LUZP2: variants seen among roughly 807,000 people sequenced by gnomAD.
LUZP2 encodes leucine zipper protein 2.
LUZP2 carries 52 observed loss-of-function variants against 51.6 expected under a neutral mutation model. That is an observed-to-expected ratio of 1.01 (90% confidence interval 0.81 to 1.27). LUZP2 has a LOEUF of 1.27. LUZP2 is among the 50% of genes most tolerant of loss of function. The probability of loss-of-function intolerance (pLI) is 0.00; values close to 1 mark genes in which losing one functional copy is unlikely to be tolerated. For missense variants in LUZP2, 436 were observed against 395.4 expected, an observed-to-expected ratio of 1.10 and a Z score of -0.87; for synonymous variants, 154 against 137.3, an observed-to-expected ratio of 1.12 and a Z score of -0.85.
intron 3 of LUZP2, among the ~76,000 whole-genome samples, chr11:24,735,594 C>T (rs1165486940): frequency 6.6e-6 from 1 of 151,778 alleles, no homozygotes; most frequent in African/African-American, 2.4e-5. Flanking sequence ...AAAATATAAG[C>T]TGATAGTCAC....
At position 24,497,216 on chromosome 11, in the gene LUZP2, G is replaced by A. The variant is rs1849852403; in HGVS notation, c.-28G>A. 6.6e-7 allele frequency: 1 copy of A among 1,511,878 alleles called. No homozygotes were observed. Among genetic ancestry groups the A allele is most frequent in the Non-Finnish European group, 8.9e-7 (1 of 1,121,796 alleles). 93.7% of individuals were successfully genotyped at this position (1,511,878 alleles called of 1,614,324 possible). On this transcript the variant is annotated 5_prime_UTR_variant, in exon 1 of 12. Transcript: ENST00000336930. ...CGAAGAGAGAGAGAGAAGGCAGCGA[G>A]GGAAGGAGGACCCCGGCAGGCAGCA...
chr11:24,896,296 G>A (rs946892031), intron 5 of LUZP2, among the ~76,000 whole-genome samples: 18 of 152,126 alleles, frequency 1.2e-4, no homozygotes, highest in African/African-American at 3.4e-4. Flanking sequence ...AGGGAGAGGC[G>A]CCGCCAGAAC....
chr11:24,951,554 T>C (rs1394400926), intron 7 of LUZP2, among the ~76,000 whole-genome samples: 1 of 151,638 alleles, frequency 6.6e-6, no homozygotes, highest in Non-Finnish European at 1.5e-5. Flanking sequence ...TATGTGATTG[T>C]TCCACGTTTG....
chr11:24,679,743 A>G (rs1372550156), intron 1 of LUZP2, among the ~76,000 whole-genome samples: 2 of 152,200 alleles, frequency 1.3e-5, no homozygotes, highest in African/African-American at 4.8e-5. Flanking sequence ...TTTCTCTCCA[A>G]TGTCTTCCTG....
chr11:24,647,235 T>A (rs1473505887), intron 1 of LUZP2, among the ~76,000 whole-genome samples: 5 of 152,028 alleles, frequency 3.3e-5, no homozygotes, highest in African/African-American at 1.2e-4. Flanking sequence ...ATTTAGCACC[T>A]ACTTAATTCA....
Position 25,030,887 on chromosome 11 carries a change from T to TA in LUZP2, c.766-19150dup, listed in dbSNP as rs1390291842. On this transcript the variant is annotated intron_variant, in intron 9 of 11. Coordinates refer to ENST00000336930, the MANE Select transcript of LUZP2 (RefSeq NM_001009909.4). ...GTTTGTGTATATGTGTGTTACTATA[T>TA]ATATTATATATATATATAATATATA... is the stretch of plus-strand genomic sequence containing the variant. 0.017 allele frequency among the ~76,000 whole-genome samples: 81 copies of TA among 4,902 alleles called. 5 individuals are homozygous for TA. The East Asian group carries it at 0.51, about 31-fold the overall frequency. 3.2% of individuals were successfully genotyped at this position (4,902 alleles called of 152,430 possible). A position where few individuals can be genotyped will look rare whatever the true frequency, so the allele number is the denominator to read the frequency against.
chr11:24,751,154 C>T (rs150626674), intron 4 of LUZP2, among the ~76,000 whole-genome samples: 11 of 152,192 alleles, frequency 7.2e-5, no homozygotes, highest in African/African-American at 2.6e-4. Flanking sequence ...GATGCCATTG[C>T]TAACTCATTC....
intron 5 of LUZP2, among the ~76,000 whole-genome samples, chr11:24,779,153 C>T (rs1223747909): frequency 1.3e-5 from 2 of 152,080 alleles, no homozygotes; most frequent in Non-Finnish European, 2.9e-5. Context: ...TTTACATTAA[C>T]TATGTTAACT....
At chr11:24,561,827 T>TG (rs1852050474) in intron 1 of LUZP2, among the ~76,000 whole-genome samples, 2 of 150,382 alleles carry the variant, frequency 1.3e-5, no homozygotes, top group Admixed American at 1.3e-4. Flanking sequence ...ATAATAATAA[T>TG]AATGATAATA....
Position 24,533,242 on chromosome 11 carries a change from T to C in LUZP2, c.62+35937T>C, listed in dbSNP as rs533935107. On this transcript the variant is annotated intron_variant, in intron 1 of 11. Transcript: ENST00000336930. The stretch of plus-strand genomic sequence containing the variant: ...GTTGTTAATTGTCTTTTAAGAAGCT[T>C]GATTCAATTCTGTGTGTGGGAAGTT... Among the ~76,000 whole-genome samples the C allele has an allele frequency of 1.1e-4, 16 of 151,384 alleles. No individual in the cohort carries two copies. The South Asian group carries it at 3.3e-3, about 31-fold the overall frequency.
chr11:24,525,355 C>A (rs1285677534), intron 1 of LUZP2, among the ~76,000 whole-genome samples: 7 of 151,632 alleles, frequency 4.6e-5, no homozygotes, highest in Non-Finnish European at 8.9e-5. Flanking sequence ...AGGTATGTAG[C>A]AGGCTTACTT....
chr11:24,623,583 C>A (rs1028047989), intron 1 of LUZP2, among the ~76,000 whole-genome samples: 11 of 152,104 alleles, frequency 7.2e-5, no homozygotes, highest in African/African-American at 2.7e-4. Flanking sequence ...CAGTGGCTCA[C>A]GTTTGTAATC....
At chr11:24,565,436 A>G (rs889927483) in intron 1 of LUZP2, among the ~76,000 whole-genome samples, 2 of 152,178 alleles carry the variant, frequency 1.3e-5, no homozygotes, top group Non-Finnish European at 2.9e-5. Flanking sequence ...TTTGCCTGTC[A>G]GGGACAAAGC....
In LUZP2 at chr11:24,583,903, G is replaced by A. The variant is rs985859783; in HGVS notation, c.62+86598G>A. On this transcript the variant is annotated intron_variant, in intron 1 of 11. Coordinates refer to ENST00000336930, the MANE Select transcript of LUZP2 (RefSeq NM_001009909.4). The stretch of plus-strand genomic sequence containing the variant: ...TATTTTTTTTTTTTTTGGTAGAGAC[G>A]GGGTTTCACCGTGTTAGCGAGGATG... 2.0e-5 allele frequency among the ~76,000 whole-genome samples: 3 copies of A among 151,088 alleles called. No individual in the cohort carries two copies. In the South Asian group the frequency reaches 6.3e-4, roughly 32 times the overall value.
At chr11:24,504,055 C>T (rs546787864) in intron 1 of LUZP2, among the ~76,000 whole-genome samples, 74 of 152,238 alleles carry the variant, frequency 4.9e-4, no homozygotes, top group African/African-American at 1.6e-3. Flanking sequence ...AATGAGTTCT[C>T]ATCATTGCAC....
intron 1 of LUZP2, among the ~76,000 whole-genome samples, chr11:24,669,951 T>G (rs558207121): frequency 6.6e-6 from 1 of 152,168 alleles, no homozygotes; most frequent in South Asian, 2.1e-4. Flanking sequence ...ACTCTAGGCA[T>G]CTAGAGATGA....
At chr11:24,738,155 A>C (rs1859011708) in intron 3 of LUZP2, 66 bp from the exon 4 acceptor site, 3 of 1,138,678 alleles carry the variant, frequency 2.6e-6, no homozygotes, top group Admixed American at 4.2e-5. Context: ...TTCCTTTTAT[A>C]ATGTTCATAG....
At chr11:24,774,998 A>C (rs76457678) in intron 5 of LUZP2, among the ~76,000 whole-genome samples, 12,070 of 151,184 alleles carry the variant, frequency 0.08, 1,048 homozygotes, top group African/African-American at 0.22. Context: ...ATATTACATA[A>C]CAGGTGACAT....
intron 5 of LUZP2, chr11:24,786,019 G>T: frequency 1.0e-6 from 1 of 985,178 alleles, no homozygotes; most frequent in Non-Finnish European, 1.2e-6. Flanking sequence ...CCCAGAGTTG[G>T]GGCACCGAGT....
Sources: allele counts gnomAD v4.1 joint callset (sites outside exome capture counted in the v4.1 genomes callset), GRCh38; gene constraint gnomAD v4.1.1; transcripts MANE v1.5; gene names NCBI Gene and HGNC (gene_info 2026-07-23, HGNC 2026-07-21).